EFR3A: variants seen among roughly 807,000 people sequenced by gnomAD.
EFR3A encodes protein EFR3 homolog A.
In EFR3A, 76 loss-of-function variants were observed where a neutral mutation model predicts 104.4. The observed-to-expected ratio is 0.73, with a 90% CI of 0.60 to 0.88. The LOEUF is 0.88. EFR3A is among the 40% of genes least tolerant of loss of function. EFR3A has a pLI of 0.00. For missense variants in EFR3A, 985 were observed against 1,012.5 expected (o/e 0.97, Z 0.37); for synonymous variants, 330 against 330.0 (o/e 1.00, Z 0.00).
rs187757821 is a variant in EFR3A at position 132,006,274 on chromosome 8, A to G, written c.2360+2989A>G. ...ACAATAGAAAATATTAACAAACCTA[A>G]AAGTTTGTTCTTTGAAATGGTTGAT... is the stretch of plus-strand genomic sequence containing the variant. On this transcript the variant is annotated intron_variant, in intron 22 of 22. Coordinates refer to ENST00000254624, the MANE Select transcript of EFR3A (RefSeq NM_015137.6). Among the ~76,000 whole-genome samples, 61 of 152,248 alleles carry G rather than the reference A, an allele frequency of 4.0e-4. 1 individual carries two copies. Among genetic ancestry groups the G allele is most frequent in the African/African-American group, 1.4e-3 (59 of 41,568 alleles).
intron 1 of EFR3A, among the ~76,000 whole-genome samples, chr8:131,909,798 C>G (rs1259148237): frequency 6.6e-6 from 1 of 152,296 alleles, no homozygotes; most frequent in African/African-American, 2.4e-5. Flanking sequence ...CCTCCTGCCC[C>G]AAGCTTCTGT....
chr8:131,970,708 G>A (rs568485753), intron 10 of EFR3A, 65 bp downstream of exon 10: 2 of 1,441,750 alleles, frequency 1.4e-6, no homozygotes, highest in South Asian at 2.5e-5. Flanking sequence ...CTCACATAAG[G>A]TCCTGGACTA....
chr8:132,005,362 A>C (rs1821980224), intron 22 of EFR3A, among the ~76,000 whole-genome samples: 1 of 152,066 alleles, frequency 6.6e-6, no homozygotes, highest in Non-Finnish European at 1.5e-5. Flanking sequence ...AAACAGAACA[A>C]CACAATATTA....
intron 1 of EFR3A, among the ~76,000 whole-genome samples, chr8:131,939,121 C>G (rs558347388): frequency 1.3e-5 from 2 of 152,104 alleles, no homozygotes; most frequent in Non-Finnish European, 2.9e-5. Flanking sequence ...TACTGCATTA[C>G]TAATAATAGC....
At position 131,904,171 on chromosome 8, in the gene EFR3A, G is replaced by GTCCGC; in HGVS notation, c.-138_-134dup. On this transcript the variant is annotated 5_prime_UTR_variant, in exon 1 of 23. Transcript: ENST00000254624. ...TTGGTTGCGTGACCGCGGGGTCCGC[G>GTCCGC]TCCGCTCCCTCCACCCTTCGCCCTT... is the stretch of plus-strand genomic sequence containing the variant. 1 of 997,054 alleles carries GTCCGC rather than the reference G, an allele frequency of 1.0e-6. No individual in the cohort carries two copies. Among genetic ancestry groups the GTCCGC allele is most frequent in the Non-Finnish European group, 1.3e-6 (1 of 774,476 alleles). The allele number at this position is 997,054 out of a possible 1,614,324, so 61.8% of individuals were successfully genotyped here.
intron 19 of EFR3A, among the ~76,000 whole-genome samples, chr8:132,000,251 C>G (rs1821720844): frequency 6.6e-6 from 1 of 152,118 alleles, no homozygotes; most frequent in Admixed American, 6.5e-5. Flanking sequence ...GCCTCAGCCT[C>G]CTGAGTAGCT....
At chr8:131,987,817 A>C in intron 18 of EFR3A, 115 bp downstream of exon 18, 1 of 1,129,526 alleles carries the variant, frequency 8.9e-7, no homozygotes, top group Non-Finnish European at 1.2e-6. Context: ...ACTATAGCCC[A>C]GCCATTTTCA....
intron 22 of EFR3A, 23 bp from the exon 23 acceptor site, chr8:132,010,767 A>G: frequency 6.2e-7 from 1 of 1,609,616 alleles, no homozygotes. Context: ...ACCTGCTGAC[A>G]ATGTATTTTT....
intron 1 of EFR3A, among the ~76,000 whole-genome samples, chr8:131,931,996 AC>A (rs1034698281): frequency 6.6e-6 from 1 of 151,750 alleles, no homozygotes; most frequent in Non-Finnish European, 1.5e-5. Flanking sequence ...TAATGATAGC[AC>A]CCCCCAGCCA....
chr8:131,953,672 C>A, intron 5 of EFR3A, 146 bp from the exon 6 acceptor site: 1 of 808,076 alleles, frequency 1.2e-6, no homozygotes, highest in Non-Finnish European at 1.7e-6. Flanking sequence ...TTGAGATTTA[C>A]TTTCTTAGAC....
At chr8:131,979,270 T>A in intron 13 of EFR3A, 76 bp from the exon 14 acceptor site, 2 of 1,211,522 alleles carry the variant, frequency 1.7e-6, no homozygotes, top group Non-Finnish European at 2.3e-6. Flanking sequence ...TAAGTATAAA[T>A]ACAATTTTCC....
At chr8:131,979,306 G>A in intron 13 of EFR3A, 40 bp from the exon 14 acceptor site, 1 of 1,359,428 alleles carries the variant, frequency 7.4e-7, no homozygotes, top group East Asian at 2.5e-5. Context: ...TTGTAAATAA[G>A]TGTGCTATTC....
At chr8:131,917,663 G>GT (rs1213422245) in intron 1 of EFR3A, among the ~76,000 whole-genome samples, 5 of 152,138 alleles carry the variant, frequency 3.3e-5, no homozygotes, top group African/African-American at 4.8e-5. Flanking sequence ...CTTTTAATTT[G>GT]TAAGAGTAGA....
intron 3 of EFR3A, among the ~76,000 whole-genome samples, chr8:131,945,541 C>A (rs1818394117): frequency 6.6e-6 from 1 of 151,976 alleles, no homozygotes; most frequent in African/African-American, 2.4e-5. Context: ...GCGTTGTTAC[C>A]ACTTAGAACA....
At chr8:131,980,724 T>C (rs189264516) in intron 14 of EFR3A, among the ~76,000 whole-genome samples, 2 of 152,222 alleles carry the variant, frequency 1.3e-5, no homozygotes, top group Admixed American at 1.3e-4. Context: ...TTATTGACTA[T>C]AGTCACCCTG....
intron 14 of EFR3A, among the ~76,000 whole-genome samples, chr8:131,982,102 A>C (rs186200061): frequency 1.3e-5 from 2 of 152,230 alleles, no homozygotes; most frequent in East Asian, 1.9e-4. Context: ...TGTCTTCTTC[A>C]TAACTCCATC....
At chr8:131,978,664 T>C (rs1450592195) in intron 12 of EFR3A, among the ~76,000 whole-genome samples, 183 bp from the exon 13 acceptor site, 1 of 152,218 alleles carries the variant, frequency 6.6e-6, no homozygotes, top group Non-Finnish European at 1.5e-5. Flanking sequence ...ATTTTTCTTA[T>C]GAATGATGTT....
In EFR3A at chr8:131,978,891, A is replaced by C. The variant is rs1428869142; in HGVS notation, c.1371A>C (p.Pro457=). 5 of 1,611,760 alleles carry C rather than the reference A, an allele frequency of 3.1e-6. No individual in the cohort carries two copies. Among genetic ancestry groups the C allele is most frequent in the Non-Finnish European group, 3.4e-6 (4 of 1,178,822 alleles). Residue 457 remains proline (P), a synonymous_variant, in exon 13 of 23, where the codon CCA becomes CCC. Coordinates refer to ENST00000254624, the MANE Select transcript of EFR3A (RefSeq NM_015137.6). ...YKAKTIVTAL[P]GSFLDPLLSP... is the part of the protein sequence containing the mutation. The stretch of plus-strand genomic sequence containing the variant: ...CGAAGACGATTGTTACTGCACTGCC[A>C]GGGTCTTTCCTGGATCCTTTGTTAT...
intron 10 of EFR3A, among the ~76,000 whole-genome samples, chr8:131,975,647 C>T (rs1346693220): frequency 1.3e-5 from 2 of 152,038 alleles, no homozygotes; most frequent in African/African-American, 4.8e-5. Flanking sequence ...AACTCCCAAC[C>T]TCAGGTGATC....
Sources: gnomAD v4.1 joint callset for allele counts (sites outside exome capture counted in the v4.1 genomes callset) on GRCh38, gnomAD v4.1.1 for gene constraint, MANE v1.5 for transcripts, NCBI Gene and HGNC (gene_info 2026-07-23, HGNC 2026-07-21) for gene names.